SLIT3: variants seen among roughly 807,000 people sequenced by gnomAD.
SLIT3 encodes slit guidance ligand 3.
SLIT3 carries 68 observed loss-of-function variants against 184.0 expected under a neutral mutation model. The observed-to-expected ratio is 0.37, with a 90% CI of 0.30 to 0.45. SLIT3 has a LOEUF of 0.45. Ranked by LOEUF, SLIT3 falls within the 20% of genes least tolerant of loss-of-function variation. The probability of loss-of-function intolerance (pLI) is 1.00; values close to 1 mark genes in which losing one functional copy is unlikely to be tolerated. For synonymous variants in SLIT3, 831 were observed against 828.6 expected, an observed-to-expected ratio of 1.00 and a Z score of -0.05; for missense variants, 1,707 against 2,026.0, an observed-to-expected ratio of 0.84 and a Z score of 3.02.
In SLIT3 at chr5:168,806,606, A is replaced by G; in HGVS notation, c.794-19T>C. 6.2e-7 allele frequency: 1 copy of G among 1,613,950 alleles called. No individual in the cohort carries two copies. Among genetic ancestry groups the G allele is most frequent in the Non-Finnish European group, 8.5e-7 (1 of 1,179,914 alleles). ...TGGGGGGCTGTGGAGCCAAGACACAACGGTCAACTTATGTCAGTGTCAGGA... is the reference window on the plus strand; with the variant it reads ...TGGGGGGCTGTGGAGCCAAGACACAGCGGTCAACTTATGTCAGTGTCAGGA... On this transcript the variant is annotated intron_variant, in intron 8 of 35. Transcript: ENST00000519560.
chr5:168,999,181 G>A (rs755283094), intron 4 of SLIT3, among the ~76,000 whole-genome samples: 18 of 151,788 alleles, frequency 1.2e-4, no homozygotes, highest in Admixed American at 2.0e-4. Flanking sequence ...CACCCAAAGC[G>A]CTGGGATTAC....
chr5:169,199,284 T>C (rs1200457966), intron 3 of SLIT3, among the ~76,000 whole-genome samples: 1 of 148,878 alleles, frequency 6.7e-6, no homozygotes. Context: ...GTGGCTGAAG[T>C]GTAGGAGAGA....
chr5:168,718,677 T>TAC (rs1163238928), intron 23 of SLIT3, among the ~76,000 whole-genome samples: 20,680 of 108,470 alleles, frequency 0.19, 2,839 homozygotes, highest in East Asian at 0.33. Flanking sequence ...TATCCACCCA[T>TAC]ACACACACAC....
intron 3 of SLIT3, among the ~76,000 whole-genome samples, chr5:169,231,061 G>A (rs1764984870): frequency 6.6e-6 from 1 of 151,970 alleles, no homozygotes; most frequent in Non-Finnish European, 1.5e-5. Flanking sequence ...TTGTAACATT[G>A]ATTAGGAAAA....
At chr5:168,725,025 C>G (rs1283707324) in intron 20 of SLIT3, among the ~76,000 whole-genome samples, 1 of 152,130 alleles carries the variant, frequency 6.6e-6, no homozygotes, top group African/African-American at 2.4e-5. Flanking sequence ...GATTAAGAAC[C>G]CTAATTCAAT....
intron 8 of SLIT3, among the ~76,000 whole-genome samples, chr5:168,812,840 G>T (rs980044962): frequency 2.0e-4 from 31 of 151,904 alleles, no homozygotes; most frequent in African/African-American, 7.3e-4. Flanking sequence ...TGGGTGGCTG[G>T]TCATGGCTTA....
intron 9 of SLIT3, among the ~76,000 whole-genome samples, chr5:168,804,060 A>C (rs531984529): frequency 6.6e-6 from 1 of 151,998 alleles, no homozygotes; most frequent in African/African-American, 2.4e-5. Context: ...TAATCCCAGA[A>C]CTTTAGGAGG....
rs1561990119 is a variant in SLIT3, at chr5:168,890,158, A to AAG, written c.414-6824_414-6823dup. On this transcript the variant is annotated intron_variant, in intron 4 of 35. Transcript: ENST00000519560. ...CATCTAAAAAAAAAAAAAAAAAAAA[A>AAG]AGAGAGAGAGCACCAGTTTCACTGT... 8.6e-4 allele frequency among the ~76,000 whole-genome samples: 129 copies of AAG among 150,138 alleles called. 3 individuals carry two copies. Among genetic ancestry groups the AAG allele is most frequent in the Middle Eastern group, 6.9e-3 (2 of 290 alleles).
intron 1 of SLIT3, among the ~76,000 whole-genome samples, chr5:169,299,770 C>T (rs147126307): frequency 1.6e-3 from 245 of 152,334 alleles, no homozygotes; most frequent in African/African-American, 5.7e-3. Flanking sequence ...CATTCGCTGC[C>T]AAGCCCAGGA....
intron 20 of SLIT3, among the ~76,000 whole-genome samples, chr5:168,742,957 T>C (rs558963904): frequency 6.6e-6 from 1 of 151,486 alleles, no homozygotes; most frequent in Non-Finnish European, 1.5e-5. Context: ...TGAAACACCA[T>C]CTCTACTAAA....
Position 168,856,766 on chromosome 5 carries a change from C to CGTGTGTGTGT in SLIT3, c.486-12121_486-12112dup, listed in dbSNP as rs372608852. 5.6e-3 allele frequency among the ~76,000 whole-genome samples: 745 copies of CGTGTGTGTGT among 132,858 alleles called. 6 individuals carry two copies. Among genetic ancestry groups the CGTGTGTGTGT allele is most frequent in the African/African-American group, 0.019 (644 of 34,640 alleles). 87.2% of individuals were successfully genotyped at this position (132,858 alleles called of 152,430 possible). On this transcript the variant is annotated intron_variant, in intron 5 of 35. Coordinates refer to ENST00000519560, the MANE Select transcript of SLIT3 (RefSeq NM_003062.4). ...TTTGCATTTCAGAAGCTGAGTTCCT[C>CGTGTGTGTGT]GTGTGTGTGTGTGTGTGTGTGTGTG... is the stretch of plus-strand genomic sequence containing the variant.
At chr5:169,221,901 G>A (rs1240168592) in intron 3 of SLIT3, among the ~76,000 whole-genome samples, 1 of 152,162 alleles carries the variant, frequency 6.6e-6, no homozygotes, top group African/African-American at 2.4e-5. Context: ...GAAATACATA[G>A]GATGTACAGA....
intron 14 of SLIT3, among the ~76,000 whole-genome samples, chr5:168,770,659 T>G (rs1755516706): frequency 1.3e-5 from 2 of 151,752 alleles, no homozygotes; most frequent in African/African-American, 2.4e-5. Flanking sequence ...TAGCATTGTT[T>G]TTTTTTTTAA....
chr5:168,854,896 C>T (rs1758807292), intron 5 of SLIT3, among the ~76,000 whole-genome samples: 1 of 152,160 alleles, frequency 6.6e-6, no homozygotes, highest in African/African-American at 2.4e-5. Flanking sequence ...TATCAAGGTC[C>T]TTGTAATTAA....
In SLIT3 at chr5:168,906,402, T is replaced by C. The variant is rs113104601; in HGVS notation, c.414-23066A>G. ...CATTTAGCATTTGGTGATTCATACA[T>C]GGGAAACATTATTGCTCTGGAAAAG... On this transcript the variant is annotated intron_variant, in intron 4 of 35. Coordinates refer to ENST00000519560, the MANE Select transcript of SLIT3 (RefSeq NM_003062.4). Among the ~76,000 whole-genome samples the C allele has an allele frequency of 1.2e-4, 19 of 152,308 alleles. 2 individuals are homozygous for C. Among genetic ancestry groups the C allele is most frequent in the African/African-American group, 4.6e-4 (19 of 41,576 alleles).
chr5:168,917,805 CT>C (rs1427560295), intron 4 of SLIT3, among the ~76,000 whole-genome samples: 1 of 152,124 alleles, frequency 6.6e-6, no homozygotes, highest in Admixed American at 6.5e-5. Flanking sequence ...TTGTGTGATT[CT>C]TTTTTCCCCA....
intron 5 of SLIT3, among the ~76,000 whole-genome samples, chr5:168,860,938 G>A (rs1317533371): frequency 2.6e-5 from 4 of 152,044 alleles, no homozygotes; most frequent in Admixed American, 2.6e-4. Flanking sequence ...TCATTTCTAG[G>A]GACCTGTGAG....
At chr5:168,777,064 AACACACACACACAC>A (rs556884651) in intron 12 of SLIT3, among the ~76,000 whole-genome samples, 8 of 65,820 alleles carry the variant, frequency 1.2e-4, no homozygotes, top group African/African-American at 3.5e-4. Context: ...AATTTCATAC[AACACACACACACAC>A]ACACACACAC....
chr5:169,128,303 G>A (rs990490132), intron 4 of SLIT3, among the ~76,000 whole-genome samples: 61 of 148,196 alleles, frequency 4.1e-4, no homozygotes, highest in African/African-American at 1.4e-3. Context: ...TTATATGTGT[G>A]CATATATAAA....
Sources: gnomAD v4.1 joint callset for allele counts (sites outside exome capture counted in the v4.1 genomes callset) on GRCh38, gnomAD v4.1.1 for gene constraint, MANE v1.5 for transcripts, NCBI Gene and HGNC (gene_info 2026-07-23, HGNC 2026-07-21) for gene names.